RGPD4: variants seen among roughly 807,000 people sequenced by gnomAD.
RGPD4 encodes ranBP2-like and GRIP domain-containing protein 4.
In RGPD4, 84 loss-of-function variants were observed where a neutral mutation model predicts 141.1. The ratio of observed to expected loss-of-function variants is 0.60; its 90% CI spans 0.50 to 0.71. RGPD4 has a LOEUF of 0.71. Ranked by LOEUF, RGPD4 falls within the 30% of genes least tolerant of loss-of-function variation. The pLI is 0.00. For missense variants in RGPD4, 918 were observed against 1,622.4 expected (o/e 0.57, Z 7.46); for synonymous variants, 298 against 566.8 (o/e 0.53, Z 6.74).
At chr2:107,882,008 C>T (rs896990093) in intron 21 of RGPD4, among the ~76,000 whole-genome samples, 2 of 151,914 alleles carry the variant, frequency 1.3e-5, no homozygotes, top group African/African-American at 4.9e-5. Flanking sequence ...TTTCAGAGCC[C>T]CATGCCATAC....
intron 6 of RGPD4, among the ~76,000 whole-genome samples, chr2:107,846,542 C>T (rs1184826405): frequency 1.3e-5 from 2 of 150,970 alleles, no homozygotes; most frequent in Non-Finnish European, 2.9e-5. Flanking sequence ...TCTCGGATCA[C>T]TGCAACCTCT....
chr2:107,891,269 T>C lies in RGPD4; in HGVS notation c.*538T>C, dbSNP rs1675651236. 7.4e-6 allele frequency among the ~76,000 whole-genome samples: 1 copy of C among 135,044 alleles called. No individual in the cohort carries two copies. Among genetic ancestry groups the C allele is most frequent in the African/African-American group, 3.1e-5 (1 of 32,700 alleles). 88.6% of individuals were successfully genotyped at this position (135,044 alleles called of 152,430 possible). On this transcript the variant is annotated 3_prime_UTR_variant, in exon 23 of 23. Transcript: ENST00000408999. Reference sequence around the variant, plus strand: ...GGCTAGTGAGCTGTGATTGTACCACTGCACTCCAGCTCGGGGAACAGAGCG... The same window carrying C: ...GGCTAGTGAGCTGTGATTGTACCACCGCACTCCAGCTCGGGGAACAGAGCG...
chr2:107,885,328 A>G (rs1412600693), intron 22 of RGPD4, among the ~76,000 whole-genome samples: 1 of 152,198 alleles, frequency 6.6e-6, no homozygotes, highest in Non-Finnish European at 1.5e-5. Flanking sequence ...GAACGTTTGC[A>G]TTTTAAAATT....
At chr2:107,885,781 C>T (rs531490938) in intron 22 of RGPD4, among the ~76,000 whole-genome samples, 14 of 152,072 alleles carry the variant, frequency 9.2e-5, no homozygotes, top group East Asian at 5.8e-4. Flanking sequence ...AGGCCTGGCA[C>T]GGTGGCTCAC....
chr2:107,858,081 T>C (rs910250329), intron 9 of RGPD4, among the ~76,000 whole-genome samples: 1 of 151,968 alleles, frequency 6.6e-6, no homozygotes, highest in African/African-American at 2.4e-5. Flanking sequence ...CTTGCTTCCT[T>C]CATGAATTCT....
rs907758952 is a variant in RGPD4 at position 107,832,167 on chromosome 2, C to T, written c.73-4435C>T. On this transcript the variant is annotated intron_variant, in intron 1 of 22. Coordinates refer to ENST00000408999, the MANE Select transcript of RGPD4 (RefSeq NM_182588.3). ...ATGTGGTCAAACTGATCACATAATCCGTTCAATTTCAGCTTAAAACATTGA... is the reference window on the plus strand; with the variant it reads ...ATGTGGTCAAACTGATCACATAATCTGTTCAATTTCAGCTTAAAACATTGA... Among the ~76,000 whole-genome samples the T allele has an allele frequency of 6.6e-5, 10 of 151,812 alleles. No homozygotes were observed. In the East Asian group the frequency reaches 1.2e-3, roughly 18 times the overall value.
chr2:107,874,552 C>A (rs1395004724), intron 20 of RGPD4, among the ~76,000 whole-genome samples: 2 of 146,906 alleles, frequency 1.4e-5, no homozygotes, highest in Non-Finnish European at 3.0e-5. Flanking sequence ...AGCTCTTAAT[C>A]TTTTATTTTA....
chr2:107,845,438 C>T (rs1458430271), intron 6 of RGPD4, among the ~76,000 whole-genome samples: 1 of 150,340 alleles, frequency 6.7e-6, no homozygotes. Context: ...GAGGGGGAGG[C>T]TCAGGAGGGG....
intron 1 of RGPD4, among the ~76,000 whole-genome samples, chr2:107,831,020 A>G (rs1457862871): frequency 6.6e-6 from 1 of 150,720 alleles, no homozygotes; most frequent in Non-Finnish European, 1.5e-5. Context: ...TCTATTAAAA[A>G]TACAAAAATG....
intron 22 of RGPD4, among the ~76,000 whole-genome samples, chr2:107,885,840 G>A (rs1462188700): frequency 6.6e-6 from 1 of 151,928 alleles, no homozygotes; most frequent in South Asian, 2.1e-4. Flanking sequence ...ATCACCTGAG[G>A]TCAGGAGTTC....
rs202081815 is a variant in RGPD4 at position 107,882,753 on chromosome 2, G to A, written c.5146G>A (p.Val1716Ile). The change falls in exon 22 of 23, where the codon GTC (valine) becomes ATC (isoleucine). Residue 1716 changes from valine to isoleucine, a missense_variant. Val to Ile is a conservative substitution (Grantham distance 29). Transcript: ENST00000408999. ...SAANVEHLKNVLLQFIFLKPG... is the reference protein window; with the variant it reads ...SAANVEHLKNILLQFIFLKPG... Reference sequence around the variant, plus strand: ...AGCTAACGTGGAACACTTGAAGAACGTCTTGCTGCAGTTCATTTTCTTGAA... The same window carrying A: ...AGCTAACGTGGAACACTTGAAGAACATCTTGCTGCAGTTCATTTTCTTGAA... 2.4e-4 allele frequency: 389 copies of A among 1,611,588 alleles called. No homozygotes were observed. Among genetic ancestry groups the A allele is most frequent in the Non-Finnish European group, 2.9e-4 (347 of 1,179,854 alleles).
At chr2:107,880,611 A>G (rs897993027) in intron 21 of RGPD4, among the ~76,000 whole-genome samples, 1 of 150,706 alleles carries the variant, frequency 6.6e-6, no homozygotes, top group Non-Finnish European at 1.5e-5. Flanking sequence ...CTTAATTCCT[A>G]CTTTTCCTAA....
chr2:107,831,583 T>TTTTTC (rs1326935131), intron 1 of RGPD4, among the ~76,000 whole-genome samples: 1 of 139,322 alleles, frequency 7.2e-6, no homozygotes, highest in African/African-American at 2.7e-5. Context: ...TTTTTTTTTT[T>TTTTTC]TTTTTTTTTT....
intron 6 of RGPD4, among the ~76,000 whole-genome samples, chr2:107,847,591 G>T (rs371197874): frequency 0.045 from 1,688 of 37,898 alleles, 21 homozygotes; most frequent in Middle Eastern, 0.1. Flanking sequence ...GGTAAGCTGA[G>T]GCGGGCGGAT....
At position 107,836,689 on chromosome 2, in the gene RGPD4, T is replaced by C; in HGVS notation, c.140+20T>C. 1 of 1,429,222 alleles carries C rather than the reference T, an allele frequency of 7.0e-7. No homozygotes were observed. The highest frequency in any genetic ancestry group is 2.3e-5 in the East Asian group (1 of 42,620). 88.5% of individuals were successfully genotyped at this position (1,429,222 alleles called of 1,614,324 possible). A position where few individuals can be genotyped will look rare whatever the true frequency, so the allele number is the denominator to read the frequency against. On this transcript the variant is annotated intron_variant, in intron 2 of 22. Coordinates refer to ENST00000408999, the MANE Select transcript of RGPD4 (RefSeq NM_182588.3). ...TAAAAAGTAAGTACAAACTGTAACA[T>C]GTATTCTTTTTTTAAAATCAATGCC...
intron 6 of RGPD4, among the ~76,000 whole-genome samples, chr2:107,847,137 G>C (rs1220435304): frequency 7.1e-6 from 1 of 140,746 alleles, no homozygotes; most frequent in Non-Finnish European, 1.5e-5. Flanking sequence ...AGCTGCTCGG[G>C]AGGCTGAGGC....
chr2:107,831,333 TTTATA>T (rs1681477428), intron 1 of RGPD4, among the ~76,000 whole-genome samples: 1 of 143,056 alleles, frequency 7.0e-6, no homozygotes. Context: ...CTTATTTTTA[TTTATA>T]TTTTTTTTAG....
At chr2:107,886,590 A>G (rs1675518926) in intron 22 of RGPD4, among the ~76,000 whole-genome samples, 2 of 151,636 alleles carry the variant, frequency 1.3e-5, no homozygotes, top group Admixed American at 1.3e-4. Flanking sequence ...AAGGTCTAAG[A>G]TGCCAGAAAG....
At chr2:107,849,208 C>T (rs1482322826) in intron 7 of RGPD4, among the ~76,000 whole-genome samples, 50 of 73,700 alleles carry the variant, frequency 6.8e-4, no homozygotes, top group Non-Finnish European at 4.0e-4. Flanking sequence ...GCCCGTGCTA[C>T]CAAGCCCAGC....
Sources: allele counts gnomAD v4.1 joint callset (sites outside exome capture counted in the v4.1 genomes callset), GRCh38; gene constraint gnomAD v4.1.1; transcripts MANE v1.5; gene names NCBI Gene and HGNC (gene_info 2026-07-23, HGNC 2026-07-21).